The following CEP135 variants were observed in gnomAD, a reference collection of about 807,000 sequenced individuals.
CEP135 encodes centrosomal protein of 135 kDa.
A neutral mutation model predicts 157.3 loss-of-function variants in CEP135; 142 were observed. The observed-to-expected ratio is 0.90, with a 90% confidence interval of 0.79 to 1.04. The LOEUF is 1.04. Ranked by LOEUF, CEP135 falls within the 50% of genes least tolerant of loss-of-function variation. The pLI is 0.00. For synonymous variants in CEP135, 396 were observed against 439.8 expected, an observed-to-expected ratio of 0.90 and a Z score of 1.25; for missense variants, 1,317 against 1,309.2, an observed-to-expected ratio of 1.01 and a Z score of -0.09.
rs368917402 is a variant in CEP135 at position 56,024,506 on chromosome 4, G to A, written c.3326G>A (p.Arg1109Gln). Residue 1109 changes from arginine (R) to glutamine (Q), a missense_variant, in exon 25 of 26, where the codon CGA becomes CAA. Transcript: ENST00000257287. ...TGTTTGATCTTTACTAACAGAGAAC[G>A]AGCAATCCAAGAGATGCGTCGACAT... ...QISTERYERE[R>Q]AIQEMRRHGL... The A allele has an allele frequency of 1.0e-4, 167 of 1,612,524 alleles. No individual in the cohort carries two copies. Among genetic ancestry groups the A allele is most frequent in the Non-Finnish European group, 1.0e-4 (118 of 1,178,942 alleles).
At chr4:55,957,989 T>C (rs1270426695) in intron 5 of CEP135, among the ~76,000 whole-genome samples, 2 of 152,206 alleles carry the variant, frequency 1.3e-5, no homozygotes, top group South Asian at 4.1e-4. Flanking sequence ...CTCAAAGGAA[T>C]GGATGAGCAC....
At chr4:56,013,187 C>A (rs1413540649) in intron 21 of CEP135, among the ~76,000 whole-genome samples, 8 of 152,200 alleles carry the variant, frequency 5.3e-5, no homozygotes, top group African/African-American at 1.7e-4. Flanking sequence ...ATTTGTGTAT[C>A]TTCTTTGGAG....
chr4:55,959,040 G>A (rs376111005), intron 5 of CEP135, among the ~76,000 whole-genome samples: 3 of 152,110 alleles, frequency 2.0e-5, no homozygotes, highest in Non-Finnish European at 4.4e-5. Context: ...AGCTGTGATC[G>A]GGCCACAGGA....
chr4:55,989,659 T>G (rs1380578290), intron 14 of CEP135, among the ~76,000 whole-genome samples: 1 of 152,164 alleles, frequency 6.6e-6, no homozygotes, highest in Non-Finnish European at 1.5e-5. Context: ...ACAGAAGATG[T>G]GAATAAACTC....
At chr4:55,976,683 GCCC>G (rs1729234825) in intron 11 of CEP135, among the ~76,000 whole-genome samples, 1 of 152,156 alleles carries the variant, frequency 6.6e-6, no homozygotes, top group Non-Finnish European at 1.5e-5. Context: ...CATTTTAGAG[GCCC>G]AATAATAAAG....
chr4:55,974,650 G>A (rs1729133436), intron 10 of CEP135, 96 bp from the exon 11 acceptor site: 3 of 855,000 alleles, frequency 3.5e-6, no homozygotes, highest in Non-Finnish European at 1.8e-6. Flanking sequence ...ATGATTTCTA[G>A]TAGCTTTCAT....
At chr4:55,979,149 A>G (rs73817304) in intron 11 of CEP135, among the ~76,000 whole-genome samples, 4,459 of 152,212 alleles carry the variant, frequency 0.029, 221 homozygotes, top group African/African-American at 0.1. Context: ...AGTGTATCAT[A>G]TTATCAAATT....
intron 17 of CEP135, among the ~76,000 whole-genome samples, chr4:56,000,364 A>G (rs983802072): frequency 6.6e-6 from 1 of 151,984 alleles, no homozygotes; most frequent in African/African-American, 2.4e-5. Context: ...ACTCTCTTTT[A>G]GCTGTTTTGA....
At chr4:55,980,578 T>G (rs932720788) in intron 12 of CEP135, among the ~76,000 whole-genome samples, 3 of 152,056 alleles carry the variant, frequency 2.0e-5, no homozygotes, top group African/African-American at 7.3e-5. Context: ...AGCCTGACTC[T>G]GAGCCAAATT....
chr4:55,970,272 A>G (rs1296647307), intron 9 of CEP135, among the ~76,000 whole-genome samples: 2 of 152,134 alleles, frequency 1.3e-5, no homozygotes, highest in Non-Finnish European at 2.9e-5. Flanking sequence ...AATCATCCCA[A>G]CAGAAGCCTA....
Position 55,949,356 on chromosome 4 carries a change from C to A in CEP135, c.-46+297C>A, listed in dbSNP as rs1042220400. 9.2e-5 allele frequency among the ~76,000 whole-genome samples: 14 copies of A among 152,334 alleles called. No homozygotes were observed. The South Asian group carries it at 2.1e-3, about 23-fold the overall frequency. On this transcript the variant is annotated intron_variant, in intron 1 of 25. Coordinates refer to ENST00000257287, the MANE Select transcript of CEP135 (RefSeq NM_025009.5). Reference sequence around the variant, plus strand: ...CGTCTGTGTGGGCCGTGCAGACAGGCTTGCTGTTGACCAATGGATAGATTT... The same window carrying A: ...CGTCTGTGTGGGCCGTGCAGACAGGATTGCTGTTGACCAATGGATAGATTT...
intron 15 of CEP135, among the ~76,000 whole-genome samples, chr4:55,998,872 C>CA (rs1390810129): frequency 6.6e-6 from 1 of 151,438 alleles, no homozygotes; most frequent in Non-Finnish European, 1.5e-5. Flanking sequence ...CTCAAACAAA[C>CA]AAAAAAAAGA....
At chr4:55,962,866 G>T (rs1183080948) in intron 6 of CEP135, among the ~76,000 whole-genome samples, 1 of 149,840 alleles carries the variant, frequency 6.7e-6, no homozygotes, top group Non-Finnish European at 1.5e-5. Context: ...TTAAAATACT[G>T]CCTGTATATT....
Position 55,953,164 on chromosome 4 carries a change from G to T in CEP135, c.193G>T (p.Asp65Tyr), listed in dbSNP as rs1458530259. 3.7e-6 allele frequency: 6 copies of T among 1,608,224 alleles called. No individual in the cohort carries two copies. The highest frequency in any genetic ancestry group is 5.1e-6 in the Non-Finnish European group (6 of 1,178,182). Residue 65 changes from aspartate (D) to tyrosine (Y), a missense_variant, in exon 3 of 26, where the codon GAT becomes TAT. By Grantham distance (160) the Asp-to-Tyr change is radical (BLOSUM62 -3). Coordinates refer to ENST00000257287, the MANE Select transcript of CEP135 (RefSeq NM_025009.5). ...AGCTGAAAAAGAAAGTGCCAATTTT[G>T]ATTTTGTTTTGGAACCCTATAAACT... ...VKAEKESANF[D>Y]FVLEPYKLEN...
intron 14 of CEP135, among the ~76,000 whole-genome samples, chr4:55,991,602 A>G (rs2109701358): frequency 6.6e-6 from 1 of 151,944 alleles, no homozygotes; most frequent in East Asian, 1.9e-4. Context: ...TTTTCCCCTC[A>G]ATTCAGTCCT....
intron 14 of CEP135, among the ~76,000 whole-genome samples, chr4:55,987,757 G>A (rs1291199243): frequency 6.6e-6 from 1 of 152,128 alleles, no homozygotes; most frequent in Non-Finnish European, 1.5e-5. Flanking sequence ...GAAGTCATTG[G>A]AAAGAAACAA....
At chr4:55,997,365 T>G (rs1230818394) in intron 15 of CEP135, among the ~76,000 whole-genome samples, 1 of 152,174 alleles carries the variant, frequency 6.6e-6, no homozygotes, top group Admixed American at 6.5e-5. Flanking sequence ...TCAATCAAGA[T>G]GTGATCCTGC....
intron 14 of CEP135, among the ~76,000 whole-genome samples, 188 bp downstream of exon 14, chr4:55,985,546 C>A (rs921135474): frequency 3.3e-5 from 5 of 152,026 alleles, no homozygotes; most frequent in African/African-American, 1.2e-4. Flanking sequence ...ACCTCCAACT[C>A]CAGCTTCAAG....
chr4:55,987,571 T>A (rs1410264579), intron 14 of CEP135, among the ~76,000 whole-genome samples: 1 of 152,172 alleles, frequency 6.6e-6, no homozygotes, highest in Non-Finnish European at 1.5e-5. Context: ...CTCTCAGGGG[T>A]CACCGGTCAT....
Sources: gnomAD v4.1 joint callset for allele counts (sites outside exome capture counted in the v4.1 genomes callset) on GRCh38, gnomAD v4.1.1 for gene constraint, MANE v1.5 for transcripts, NCBI Gene and HGNC (gene_info 2026-07-23, HGNC 2026-07-21) for gene names.